Variants in OTOGL observed in about 807,000 individuals in gnomAD.
OTOGL encodes the protein otogelin like.
Under a neutral mutation model 318.5 loss-of-function variants are expected in OTOGL, and 285 were observed. The observed-to-expected ratio is 0.89, with a 90% confidence interval of 0.81 to 0.99. The LOEUF (loss-of-function observed/expected upper bound fraction) is 0.99, where lower values mean the gene tolerates loss of function less well. Ranked by LOEUF, OTOGL falls within the 50% of genes least tolerant of loss-of-function variation. The pLI is 0.00. For synonymous variants in OTOGL, 987 were observed against 936.5 expected (o/e 1.05, Z -0.99); for missense variants, 2,899 against 2,845.6 (o/e 1.02, Z -0.43).
chr12:80,191,166 A>T (rs950784416), intron 1 of OTOGL, among the ~76,000 whole-genome samples: 3 of 152,196 alleles, frequency 2.0e-5, no homozygotes, highest in Non-Finnish European at 4.4e-5. Context: ...GGCTGGGAGC[A>T]GTGGTTCATG....
At chr12:80,203,329 AT>A (rs904765842) in intron 1 of OTOGL, among the ~76,000 whole-genome samples, 88 of 146,388 alleles carry the variant, frequency 6.0e-4, no homozygotes, top group Middle Eastern at 3.5e-3. Flanking sequence ...CCATCTTCAA[AT>A]TTTTTTTTTT....
chr12:80,300,254 G>A (rs192510334), intron 27 of OTOGL, among the ~76,000 whole-genome samples: 2 of 151,802 alleles, frequency 1.3e-5, no homozygotes, highest in East Asian at 3.9e-4. Flanking sequence ...CAAGCATAGG[G>A]ATAGTCCTGG....
At chr12:80,156,064 T>A (rs1322730105) in intron 1 of OTOGL, among the ~76,000 whole-genome samples, 1 of 152,208 alleles carries the variant, frequency 6.6e-6, no homozygotes, top group African/African-American at 2.4e-5. Flanking sequence ...GGATGCAAAA[T>A]ATTTTTCCTG....
chr12:80,172,674 T>C (rs1276255368), intron 1 of OTOGL, among the ~76,000 whole-genome samples: 1 of 152,036 alleles, frequency 6.6e-6, no homozygotes, highest in Non-Finnish European at 1.5e-5. Context: ...GAAAATGTGG[T>C]ACATATACAC....
At position 80,354,421 on chromosome 12, in the gene OTOGL, G is replaced by A. The variant is rs569948360; in HGVS notation, c.5593+911G>A. Reference sequence around the variant, plus strand: ...ATCCATTTTCAGGTATTCTCTTAGAGCAACACAAAATGGACTAAGATACTG... The same window carrying A: ...ATCCATTTTCAGGTATTCTCTTAGAACAACACAAAATGGACTAAGATACTG... On this transcript the variant is annotated intron_variant, in intron 46 of 58. Coordinates refer to ENST00000547103, the MANE Select transcript of OTOGL (RefSeq NM_001378609.3). Among the ~76,000 whole-genome samples the A allele has an allele frequency of 6.6e-5, 10 of 152,144 alleles. No individual in the cohort carries two copies. In the South Asian group the frequency reaches 1.9e-3, roughly 28 times the overall value.
Position 80,247,606 on chromosome 12 carries a change from G to A in OTOGL, c.1053-4087G>A, listed in dbSNP as rs1161592435. 3.7e-3 allele frequency among the ~76,000 whole-genome samples: 351 copies of A among 93,606 alleles called. 9 individuals are homozygous for A. In the East Asian group the frequency reaches 0.069, roughly 18 times the overall value. The allele number at this position is 93,606 out of a possible 152,430, so 61.4% of individuals were successfully genotyped here. On this transcript the variant is annotated intron_variant, in intron 11 of 58. Coordinates refer to ENST00000547103, the MANE Select transcript of OTOGL (RefSeq NM_001378609.3). ...CAACTATGTGGTCAATTTTGGAATA[G>A]GTGTGGTGTGGTGCTGAAAAAAATG...
At chr12:80,148,973 T>G (rs550354105) in intron 1 of OTOGL, among the ~76,000 whole-genome samples, 92 of 152,280 alleles carry the variant, frequency 6.0e-4, no homozygotes, top group African/African-American at 2.1e-3. Context: ...TTTTCAAAGT[T>G]TTCAACTTGT....
intron 1 of OTOGL, among the ~76,000 whole-genome samples, chr12:80,122,943 G>C (rs1440335857): frequency 6.7e-6 from 1 of 148,782 alleles, no homozygotes; most frequent in Non-Finnish European, 1.5e-5. Flanking sequence ...ACTTTCCCTG[G>C]AGTCCAGAGC....
chr12:80,355,714 T>C (rs769136621), intron 46 of OTOGL, 22 bp from the exon 47 acceptor site: 1 of 1,595,368 alleles, frequency 6.3e-7, no homozygotes, highest in Non-Finnish European at 8.6e-7. Flanking sequence ...TTGAGTGTTA[T>C]AATACTGTTG....
chr12:80,169,599 C>T (rs1049857892), intron 1 of OTOGL, among the ~76,000 whole-genome samples: 1 of 152,096 alleles, frequency 6.6e-6, no homozygotes, highest in Non-Finnish European at 1.5e-5. Flanking sequence ...TGAATAATGT[C>T]ATGTCACCAT....
chr12:80,139,727 T>G (rs1871807003), intron 1 of OTOGL, among the ~76,000 whole-genome samples: 3 of 152,150 alleles, frequency 2.0e-5, no homozygotes, highest in Non-Finnish European at 4.4e-5. Flanking sequence ...AGACAGTAGG[T>G]GCTTAATGAA....
intron 26 of OTOGL, among the ~76,000 whole-genome samples, chr12:80,283,522 C>T (rs1280861019): frequency 1.3e-5 from 2 of 152,030 alleles, no homozygotes; most frequent in South Asian, 2.1e-4. Flanking sequence ...TTTATATACT[C>T]ATCTAGATTG....
At chr12:80,358,596 G>A (rs544127686) in intron 50 of OTOGL, 75 bp from the exon 51 acceptor site, 3 of 1,174,156 alleles carry the variant, frequency 2.6e-6, no homozygotes, top group African/African-American at 1.5e-5. Context: ...TGTAATGGCA[G>A]TGAACTAAAT....
chr12:80,130,488 A>C (rs1219191856), intron 1 of OTOGL, among the ~76,000 whole-genome samples: 1 of 152,230 alleles, frequency 6.6e-6, no homozygotes, highest in Non-Finnish European at 1.5e-5. Context: ...CTAAACCAGA[A>C]AGAGCAGGCC....
chr12:80,335,623 A>G (rs986057109), intron 38 of OTOGL, among the ~76,000 whole-genome samples: 4 of 152,266 alleles, frequency 2.6e-5, no homozygotes, highest in African/African-American at 9.6e-5. Context: ...TTGATATACT[A>G]GCTTTGCACA....
At chr12:80,363,106 T>C (rs529871137) in intron 52 of OTOGL, among the ~76,000 whole-genome samples, 12 of 152,302 alleles carry the variant, frequency 7.9e-5, no homozygotes, top group Non-Finnish European at 1.8e-4. Context: ...TGTGAGCCAC[T>C]GCACCTGGCC....
rs758500698 is a variant in OTOGL at position 80,341,996 on chromosome 12, C to T, written c.5099C>T (p.Thr1700Ile). The T allele has an allele frequency of 3.1e-6, 5 of 1,608,892 alleles. No individual in the cohort carries two copies. The highest frequency in any genetic ancestry group is 1.1e-5 in the South Asian group (1 of 89,960). Residue 1700 changes from threonine (T) to isoleucine (I), a missense_variant, in exon 44 of 59, where the codon ACA becomes ATA. By Grantham distance (89) the Thr-to-Ile change is moderately conservative (BLOSUM62 -1). Coordinates refer to ENST00000547103, the MANE Select transcript of OTOGL (RefSeq NM_001378609.3). The stretch of plus-strand genomic sequence containing the variant: ...GATGATCTAAGGATGCAAAATGGCA[C>T]AATTATTACAAATATGGAAGACATA... ...PDDDLRMQNG[T>I]IITNMEDIGL... is the part of the protein sequence containing the mutation.
intron 1 of OTOGL, among the ~76,000 whole-genome samples, chr12:80,106,859 GT>G (rs1437168254): frequency 2.0e-5 from 3 of 149,714 alleles, no homozygotes; most frequent in Non-Finnish European, 3.0e-5. Context: ...TTAGTACTAT[GT>G]TTTTTTCTTT....
chr12:80,350,688 C>T (rs116884277), intron 44 of OTOGL, among the ~76,000 whole-genome samples: 1,596 of 152,280 alleles, frequency 0.01, 7 homozygotes, highest in Non-Finnish European at 0.017. Flanking sequence ...ACTTGTTGGA[C>T]ATTTGCACAT....
Sources: gnomAD v4.1 joint callset for allele counts (sites outside exome capture counted in the v4.1 genomes callset) on GRCh38, gnomAD v4.1.1 for gene constraint, MANE v1.5 for transcripts, NCBI Gene and HGNC (gene_info 2026-07-23, HGNC 2026-07-21) for gene names.